The following FAR2 variants were observed in gnomAD, a reference collection of about 807,000 sequenced individuals.
FAR2 encodes fatty acyl-CoA reductase 2.
FAR2 carries 19 observed loss-of-function variants against 56.0 expected under a neutral mutation model. The ratio of observed to expected loss-of-function variants is 0.34; its 90% CI spans 0.24 to 0.50. FAR2 has a LOEUF of 0.50. FAR2 is among the 20% of genes least tolerant of loss of function. FAR2 has a pLI of 0.98. For synonymous variants in FAR2, 219 were observed against 218.8 expected (o/e 1.00, Z -0.01); for missense variants, 508 against 642.2 (o/e 0.79, Z 2.26).
chr12:29,207,708 A>T (rs1947491995), intron 1 of FAR2, among the ~76,000 whole-genome samples: 1 of 152,194 alleles, frequency 6.6e-6, no homozygotes, highest in Non-Finnish European at 1.5e-5. Flanking sequence ...AGATAGACAG[A>T]TGATACATAG....
chr12:29,280,066 A>T (rs771930237), intron 2 of FAR2, among the ~76,000 whole-genome samples: 1 of 152,060 alleles, frequency 6.6e-6, no homozygotes, highest in Non-Finnish European at 1.5e-5. Flanking sequence ...CTGGGATTAC[A>T]GGCACCCGCC....
intron 1 of FAR2, among the ~76,000 whole-genome samples, chr12:29,250,656 A>G (rs979182321): frequency 2.0e-5 from 3 of 152,244 alleles, no homozygotes; most frequent in African/African-American, 7.2e-5. Flanking sequence ...AATCAAATCA[A>G]TACAACTCCC....
At chr12:29,247,809 T>C (rs1474354014) in intron 1 of FAR2, among the ~76,000 whole-genome samples, 1 of 152,156 alleles carries the variant, frequency 6.6e-6, no homozygotes, top group Non-Finnish European at 1.5e-5. Context: ...TGAGAAGAAA[T>C]TAAGATATTT....
intron 1 of FAR2, among the ~76,000 whole-genome samples, chr12:29,168,422 T>C (rs1185141741): frequency 1.3e-5 from 2 of 152,264 alleles, no homozygotes; most frequent in African/African-American, 4.8e-5. Context: ...ATTTGGTGCA[T>C]GTTCAGATGT....
chr12:29,297,009 A>C lies in FAR2; in HGVS notation c.366-12A>C. 6.3e-7 allele frequency: 1 copy of C among 1,582,474 alleles called. No homozygotes were observed. Among genetic ancestry groups the C allele is most frequent in the Non-Finnish European group, 8.6e-7 (1 of 1,166,940 alleles). On this transcript the variant is annotated splice_polypyrimidine_tract_variant and intron_variant, in intron 3 of 11. Transcript: ENST00000536681. ...TACTTCATTGTATTTCCTTCTGCTTAATCTTCTCTAGACATGCTGTGCAAC... is the reference window on the plus strand; with the variant it reads ...TACTTCATTGTATTTCCTTCTGCTTCATCTTCTCTAGACATGCTGTGCAAC...
At chr12:29,164,329 C>T (rs1274945720) in intron 1 of FAR2, among the ~76,000 whole-genome samples, 1 of 152,170 alleles carries the variant, frequency 6.6e-6, no homozygotes, top group Admixed American at 6.5e-5. Flanking sequence ...GCGGCTGCTG[C>T]CATTTTGCTT....
In FAR2 at chr12:29,316,770, C is replaced by T. The variant is rs1949457080; in HGVS notation, c.956-71C>T. On this transcript the variant is annotated intron_variant, in intron 8 of 11. Coordinates refer to ENST00000536681, the MANE Select transcript of FAR2 (RefSeq NM_001271783.2). ...TCGTCTTTATTGTTTTGACCCATTA[C>T]AAATGCTTTCCACTATGATGGACTT... 1.0e-5 allele frequency: 15 copies of T among 1,463,714 alleles called. 1 individual carries two copies. The South Asian group carries it at 1.9e-4, about 18-fold the overall frequency. 90.7% of individuals were successfully genotyped at this position (1,463,714 alleles called of 1,614,324 possible).
intron 1 of FAR2, among the ~76,000 whole-genome samples, chr12:29,169,632 C>A (rs932658997): frequency 6.6e-6 from 1 of 152,192 alleles, no homozygotes; most frequent in Non-Finnish European, 1.5e-5. Context: ...CAACACTCTT[C>A]CCCTAAGAAG....
chr12:29,257,439 T>A (rs1333480809), intron 1 of FAR2, among the ~76,000 whole-genome samples: 1 of 152,118 alleles, frequency 6.6e-6, no homozygotes, highest in Non-Finnish European at 1.5e-5. Flanking sequence ...TGGGGCCAGA[T>A]AAGAGAATAA....
At position 29,324,319 on chromosome 12, in the gene FAR2, A is replaced by G. The variant is rs537557201; in HGVS notation, c.1257+2395A>G. Among the ~76,000 whole-genome samples the G allele has an allele frequency of 5.7e-4, 87 of 152,258 alleles. 2 individuals are homozygous for G. Among genetic ancestry groups the G allele is most frequent in the Non-Finnish European group, 1.1e-3 (72 of 68,028 alleles). On this transcript the variant is annotated intron_variant, in intron 10 of 11. Coordinates refer to ENST00000536681, the MANE Select transcript of FAR2 (RefSeq NM_001271783.2). ...GGAGAATGGAACCAAGATGGAAAAC[A>G]CTCTGCAGGGTATTATCCAGGAGAA... is the stretch of plus-strand genomic sequence containing the variant.
rs190266251 is a variant in FAR2 at position 29,189,795 on chromosome 12, A to G, written c.-39+40388A>G. ...TATAAAACAACAGCAACAAAAAGGG[A>G]TAACTAACTGTTCCAAGAGTGGAGG... On this transcript the variant is annotated intron_variant, in intron 1 of 11. Transcript: ENST00000536681. Among the ~76,000 whole-genome samples the G allele has an allele frequency of 1.4e-3, 214 of 152,342 alleles. 1 individual carries two copies. The South Asian group carries it at 0.02, about 14-fold the overall frequency.
chr12:29,196,808 CAG>C (rs1184148249), intron 1 of FAR2, among the ~76,000 whole-genome samples: 2 of 152,078 alleles, frequency 1.3e-5, no homozygotes, highest in African/African-American at 2.4e-5. Flanking sequence ...AAAGAAATAA[CAG>C]AGTGAACAGA....
chr12:29,280,163 G>A (rs760633991), intron 2 of FAR2, among the ~76,000 whole-genome samples: 1 of 152,160 alleles, frequency 6.6e-6, no homozygotes, highest in Non-Finnish European at 1.5e-5. Context: ...GACCTCAGGC[G>A]ATCTGCCTGC....
At chr12:29,193,682 C>A (rs2136609595) in intron 1 of FAR2, among the ~76,000 whole-genome samples, 1 of 152,276 alleles carries the variant, frequency 6.6e-6, no homozygotes, top group Non-Finnish European at 1.5e-5. Flanking sequence ...CAAATTTTGG[C>A]AATTATGAAT....
intron 1 of FAR2, among the ~76,000 whole-genome samples, chr12:29,170,179 T>C (rs2136586010): frequency 6.6e-6 from 1 of 152,358 alleles, no homozygotes; most frequent in Non-Finnish European, 1.5e-5. Flanking sequence ...TAGGCAATTT[T>C]CCTAACCCTG....
At chr12:29,224,829 G>A (rs533448155) in intron 1 of FAR2, among the ~76,000 whole-genome samples, 1 of 152,314 alleles carries the variant, frequency 6.6e-6, no homozygotes, top group Non-Finnish European at 1.5e-5. Context: ...TATGAAATAT[G>A]CATGATTATA....
intron 1 of FAR2, among the ~76,000 whole-genome samples, chr12:29,201,356 T>C (rs2136617140): frequency 6.6e-6 from 1 of 152,292 alleles, no homozygotes; most frequent in East Asian, 1.9e-4. Context: ...ATATTTGTAT[T>C]TGAATACAGA....
At chr12:29,161,253 C>G (rs1408192943) in intron 1 of FAR2, among the ~76,000 whole-genome samples, 1 of 152,196 alleles carries the variant, frequency 6.6e-6, no homozygotes, top group Non-Finnish European at 1.5e-5. Flanking sequence ...TTATCAGCAT[C>G]CTATAAGCTC....
At position 29,158,135 on chromosome 12, in the gene FAR2, T is replaced by C. The variant is rs1496213; in HGVS notation, c.-39+8728T>C. Among the ~76,000 whole-genome samples the C allele has an allele frequency of 1.7e-3, 261 of 152,312 alleles. 2 individuals are homozygous for C. The highest frequency in any genetic ancestry group is 6.1e-3 in the African/African-American group (255 of 41,554). On this transcript the variant is annotated intron_variant, in intron 1 of 11. Coordinates refer to ENST00000536681, the MANE Select transcript of FAR2 (RefSeq NM_001271783.2). ...AAATAATATTTGTTTCTGATAGATA[T>C]TAAGTAAATATTAATGAAACCAACT...
Sources: allele counts gnomAD v4.1 joint callset (sites outside exome capture counted in the v4.1 genomes callset), GRCh38; gene constraint gnomAD v4.1.1; transcripts MANE v1.5; gene names NCBI Gene and HGNC (gene_info 2026-07-23, HGNC 2026-07-21).